XPO7: variants seen among roughly 807,000 people sequenced by gnomAD.
The protein encoded by XPO7 is exportin-7.
A neutral mutation model predicts 144.3 loss-of-function variants in XPO7; 21 were observed. The ratio of observed to expected loss-of-function variants is 0.15; its 90% CI spans 0.10 to 0.21. The LOEUF (loss-of-function observed/expected upper bound fraction) is 0.21, where lower values mean the gene tolerates loss of function less well. Ranked by LOEUF, XPO7 falls within the 10% of genes least tolerant of loss-of-function variation. The pLI is 1.00. For missense variants in XPO7, 808 were observed against 1,325.8 expected (o/e 0.61, Z 6.06); for synonymous variants, 580 against 499.6 (o/e 1.16, Z -2.15).
intron 6 of XPO7, 125 bp downstream of exon 6, chr8:21,974,899 T>C: frequency 1.3e-6 from 1 of 770,218 alleles, no homozygotes; most frequent in Non-Finnish European, 2.0e-6. Flanking sequence ...AATCATCATC[T>C]CTTATATAAG....
chr8:21,944,630 T>G (rs1811100266), intron 1 of XPO7, among the ~76,000 whole-genome samples: 1 of 152,190 alleles, frequency 6.6e-6, no homozygotes, highest in Admixed American at 6.5e-5. Context: ...TAGTATTTAT[T>G]GATCATTCTT....
chr8:21,998,936 AG>A, intron 22 of XPO7, 99 bp downstream of exon 22: 2 of 1,484,700 alleles, frequency 1.3e-6, no homozygotes, highest in Non-Finnish European at 1.9e-6. Flanking sequence ...GGCAGGAGCC[AG>A]GACAGCATTC....
chr8:21,960,039 A>G (rs1363744760), intron 1 of XPO7, among the ~76,000 whole-genome samples: 2 of 152,220 alleles, frequency 1.3e-5, no homozygotes, highest in Admixed American at 1.3e-4. Flanking sequence ...TCCAGGAATG[A>G]ACCACTGATA....
At chr8:21,923,393 C>T (rs187817558) in intron 1 of XPO7, among the ~76,000 whole-genome samples, 2 of 152,326 alleles carry the variant, frequency 1.3e-5, no homozygotes, top group African/African-American at 4.8e-5. Context: ...CCATCACCCA[C>T]TCCCACCCTG....
In XPO7 at chr8:21,995,616, G is replaced by A; in HGVS notation, c.2345+17G>A. On this transcript the variant is annotated intron_variant, in intron 21 of 27. Coordinates refer to ENST00000252512, the MANE Select transcript of XPO7 (RefSeq NM_015024.5). ...TCATAATAGGTAAGCAGGAGGCAGA[G>A]CTTGCAAGGGCACATCTGCCCTGTT... 6.4e-7 allele frequency: 1 copy of A among 1,554,858 alleles called. No individual in the cohort carries two copies. The highest frequency in any genetic ancestry group is 1.2e-5 in the South Asian group (1 of 85,558).
chr8:21,985,700 T>C lies in XPO7; in HGVS notation c.1577+9T>C. The C allele has an allele frequency of 6.2e-7, 1 of 1,612,248 alleles. No homozygotes were observed. The highest frequency in any genetic ancestry group is 8.5e-7 in the Non-Finnish European group (1 of 1,179,310). ...GGTGAGCTTGTCTGTCGGTAAGTGC[T>C]CCCCACAGAAGCTCTCCACTCTGCC... On this transcript the variant is annotated intron_variant, in intron 13 of 27. Transcript: ENST00000252512.
At chr8:21,929,802 A>C (rs562793835) in intron 1 of XPO7, among the ~76,000 whole-genome samples, 104 of 152,274 alleles carry the variant, frequency 6.8e-4, no homozygotes, top group African/African-American at 2.4e-3. Flanking sequence ...GTTTTGTGTG[A>C]CTGCGATAAG....
intron 21 of XPO7, 95 bp from the exon 22 acceptor site, chr8:21,998,660 C>A: frequency 1.0e-6 from 1 of 968,196 alleles, no homozygotes; most frequent in Non-Finnish European, 1.6e-6. Context: ...AATGTAAATG[C>A]AGGATCACCC....
chr8:21,938,133 C>G (rs551876768), intron 1 of XPO7, among the ~76,000 whole-genome samples: 1 of 152,190 alleles, frequency 6.6e-6, no homozygotes, highest in East Asian at 1.9e-4. Context: ...TCAGGGTTGT[C>G]TTCTTGTGCA....
At chr8:21,969,689 CA>C in intron 3 of XPO7, 113 bp downstream of exon 3, 1 of 1,066,884 alleles carries the variant, frequency 9.4e-7, no homozygotes, top group Non-Finnish European at 1.3e-6. Context: ...GCTAACCATA[CA>C]AAATGTCTAG....
At chr8:21,990,700 A>G (rs1291989195) in intron 17 of XPO7, 111 bp from the exon 18 acceptor site, 6 of 1,129,244 alleles carry the variant, frequency 5.3e-6, no homozygotes, top group Non-Finnish European at 7.7e-6. Flanking sequence ...TCCTCAAGGA[A>G]TGACTACATA....
In XPO7 at chr8:21,987,292, T is replaced by C. The variant is rs367631205; in HGVS notation, c.1713+16T>C. On this transcript the variant is annotated intron_variant, in intron 14 of 27. Coordinates refer to ENST00000252512, the MANE Select transcript of XPO7 (RefSeq NM_015024.5). ...ATCCTCTAAGGTAACAGCCTCTCAA[T>C]TGGCTCCCCTTAGTTCTCACTTCTC... is the stretch of plus-strand genomic sequence containing the variant. The C allele has an allele frequency of 4.3e-6, 7 of 1,613,760 alleles. No individual in the cohort carries two copies. The highest frequency in any genetic ancestry group is 4.0e-5 in the African/African-American group (3 of 74,926).
chr8:21,999,533 C>T lies in XPO7; in HGVS notation c.2644-3C>T. The stretch of plus-strand genomic sequence containing the variant: ...TGATTTTCTTCCTCTTCCTCTCCCA[C>T]AGGATTACCCCAAGCTCAGCCAGTC... On this transcript the variant is annotated splice_region_variant and splice_polypyrimidine_tract_variant and intron_variant, in intron 23 of 27. Coordinates refer to ENST00000252512, the MANE Select transcript of XPO7 (RefSeq NM_015024.5). 6.2e-7 allele frequency: 1 copy of T among 1,613,942 alleles called. No homozygotes were observed. The highest frequency in any genetic ancestry group is 8.5e-7 in the Non-Finnish European group (1 of 1,179,840).
intron 19 of XPO7, among the ~76,000 whole-genome samples, chr8:21,994,042 C>G (rs1279292851): frequency 7.0e-6 from 1 of 143,658 alleles, no homozygotes; most frequent in South Asian, 2.3e-4. Flanking sequence ...TGTATTACTT[C>G]AATGTCTTAA....
rs1181205098 is a variant in XPO7, at chr8:21,977,948, A to G, written c.837+105A>G. Reference sequence around the variant, plus strand: ...TTTTATAAAATTATACAAGTAAAGCATAGAAATACTAGGCTAGTTATCTAG... The same window carrying G: ...TTTTATAAAATTATACAAGTAAAGCGTAGAAATACTAGGCTAGTTATCTAG... On this transcript the variant is annotated intron_variant, in intron 8 of 27. Transcript: ENST00000252512. The G allele has an allele frequency of 3.0e-5, 29 of 976,284 alleles. No homozygotes were observed. In the South Asian group the frequency reaches 4.5e-4, roughly 15 times the overall value. 60.5% of individuals were successfully genotyped at this position (976,284 alleles called of 1,614,324 possible).
At chr8:21,955,665 T>G (rs1811511882) in intron 1 of XPO7, among the ~76,000 whole-genome samples, 1 of 151,524 alleles carries the variant, frequency 6.6e-6, no homozygotes, top group Non-Finnish European at 1.5e-5. Context: ...CCCTCTTCTC[T>G]GTTGGGTTTC....
chr8:21,963,766 TA>T, intron 1 of XPO7, among the ~76,000 whole-genome samples: 1 of 152,104 alleles, frequency 6.6e-6, no homozygotes, highest in Admixed American at 6.5e-5. Context: ...AAATCTGAGG[TA>T]TTCTGCTTTG....
At chr8:21,979,399 T>C (rs80009935) in intron 8 of XPO7, among the ~76,000 whole-genome samples, 1 of 148,884 alleles carries the variant, frequency 6.7e-6, no homozygotes, top group South Asian at 2.1e-4. Flanking sequence ...TTTTTTTTCT[T>C]TTTTTTTTTC....
chr8:21,969,955 T>C, intron 3 of XPO7, 189 bp from the exon 4 acceptor site: 2 of 663,592 alleles, frequency 3.0e-6, no homozygotes, highest in Non-Finnish European at 4.9e-6. Context: ...AAATTCTGAA[T>C]TAGAACACCT....
Sources: allele counts gnomAD v4.1 joint callset (sites outside exome capture counted in the v4.1 genomes callset), GRCh38; gene constraint gnomAD v4.1.1; transcripts MANE v1.5; gene names NCBI Gene and HGNC (gene_info 2026-07-23, HGNC 2026-07-21).